ADGRL4: variants seen among roughly 807,000 people sequenced by gnomAD.
ADGRL4 encodes the protein adhesion G protein-coupled receptor L4, also known as EGF, latrophilin and seven transmembrane domain containing 1.
A neutral mutation model predicts 74.8 loss-of-function variants in ADGRL4; 90 were observed. The observed-to-expected ratio is 1.20, with a 90% CI of 1.02 to 1.43. ADGRL4 has a LOEUF of 1.43. Among genes scored for constraint, ADGRL4 ranks in the 40% most tolerant of loss-of-function variants. The pLI is 0.00. For synonymous variants in ADGRL4, 311 were observed against 279.2 expected (o/e 1.11, Z -1.14); for missense variants, 881 against 814.3 (o/e 1.08, Z -1.00).
chr1:78,941,823 G>A (rs1458420918), intron 3 of ADGRL4, among the ~76,000 whole-genome samples: 2 of 152,026 alleles, frequency 1.3e-5, no homozygotes, highest in South Asian at 2.1e-4. Flanking sequence ...AAAGTCTCCG[G>A]GATTGCTAAT....
At chr1:78,980,853 T>C (rs886927736) in intron 2 of ADGRL4, among the ~76,000 whole-genome samples, 1 of 151,930 alleles carries the variant, frequency 6.6e-6, no homozygotes, top group South Asian at 2.1e-4. Context: ...TTCACACCTT[T>C]CATCCTGAAA....
At position 78,933,957 on chromosome 1, in the gene ADGRL4, C is replaced by T. The variant is rs372185192; in HGVS notation, c.877+2338G>A. 1.8e-4 allele frequency among the ~76,000 whole-genome samples: 27 copies of T among 152,178 alleles called. No individual in the cohort carries two copies. The East Asian group carries it at 4.1e-3, about 23-fold the overall frequency. ...GACACAAACAAATGGAAAAATTGTC[C>T]GTGTTCACAGATAGGAAGAATCAAT... is the stretch of plus-strand genomic sequence containing the variant. On this transcript the variant is annotated intron_variant, in intron 7 of 14. Coordinates refer to ENST00000370742, the MANE Select transcript of ADGRL4 (RefSeq NM_022159.4).
chr1:78,996,333 TAA>T (rs996471127), intron 2 of ADGRL4, among the ~76,000 whole-genome samples: 2 of 131,278 alleles, frequency 1.5e-5, no homozygotes, highest in African/African-American at 5.8e-5. Flanking sequence ...TGCCTGATGT[TAA>T]GTCAGCTAAT....
chr1:78,931,687 T>C (rs1432269498), intron 7 of ADGRL4, among the ~76,000 whole-genome samples: 3 of 150,908 alleles, frequency 2.0e-5, no homozygotes, highest in Non-Finnish European at 2.9e-5. Context: ...AGGAGACCCA[T>C]ATCATGTGCA....
chr1:78,904,049 G>A (rs1648576638), intron 12 of ADGRL4, among the ~76,000 whole-genome samples: 1 of 151,324 alleles, frequency 6.6e-6, no homozygotes, highest in African/African-American at 2.4e-5. Flanking sequence ...AATAATACAT[G>A]GAACATAATA....
At chr1:78,928,729 T>C (rs1407836618) in intron 7 of ADGRL4, among the ~76,000 whole-genome samples, 3 of 151,580 alleles carry the variant, frequency 2.0e-5, no homozygotes, top group Non-Finnish European at 4.4e-5. Context: ...TACCTATATA[T>C]ATTTGTTTAA....
At position 79,006,697 on chromosome 1, in the gene ADGRL4, A is replaced by G. The variant is rs1166168645; in HGVS notation, c.-43T>C. 1 of 1,456,950 alleles carries G rather than the reference A, an allele frequency of 6.9e-7. No individual in the cohort carries two copies. The highest frequency in any genetic ancestry group is 9.0e-7 in the Non-Finnish European group (1 of 1,106,408). The allele number at this position is 1,456,950 out of a possible 1,614,324, so 90.3% of individuals were successfully genotyped here. On this transcript the variant is annotated 5_prime_UTR_variant, in exon 1 of 15. Coordinates refer to ENST00000370742, the MANE Select transcript of ADGRL4 (RefSeq NM_022159.4). ...GTGGCGGTGGCGGAGAGCGCGGCGGAGTGAGTGCGGCTGTGGACCCGGGAC... is the reference window on the plus strand; with the variant it reads ...GTGGCGGTGGCGGAGAGCGCGGCGGGGTGAGTGCGGCTGTGGACCCGGGAC...
At chr1:78,905,091 C>T (rs1007257981) in intron 12 of ADGRL4, among the ~76,000 whole-genome samples, 3 of 151,926 alleles carry the variant, frequency 2.0e-5, no homozygotes, top group Non-Finnish European at 4.4e-5. Context: ...TTATTTTTGG[C>T]CAATATGTTC....
intron 12 of ADGRL4, among the ~76,000 whole-genome samples, chr1:78,914,984 C>A (rs1648841009): frequency 6.6e-6 from 1 of 151,890 alleles, no homozygotes; most frequent in African/African-American, 2.4e-5. Flanking sequence ...CACAGTATTT[C>A]ATTTCCATCT....
chr1:78,947,365 A>G (rs763602474), intron 2 of ADGRL4, among the ~76,000 whole-genome samples: 1 of 152,204 alleles, frequency 6.6e-6, no homozygotes, highest in Non-Finnish European at 1.5e-5. Context: ...GACACAGAAG[A>G]GAAGGCTTTG....
chr1:78,974,711 G>C (rs958741698), intron 2 of ADGRL4, among the ~76,000 whole-genome samples: 1 of 152,110 alleles, frequency 6.6e-6, no homozygotes, highest in Non-Finnish European at 1.5e-5. Context: ...GGCTGCAAGT[G>C]TTCCTTAGCT....
intron 3 of ADGRL4, among the ~76,000 whole-genome samples, chr1:78,940,780 T>C (rs1013786559): frequency 6.6e-6 from 1 of 152,322 alleles, no homozygotes; most frequent in East Asian, 1.9e-4. Flanking sequence ...TAAAATGTCA[T>C]CTAGCTAGTT....
chr1:78,917,794 C>T (rs367566665), intron 11 of ADGRL4, 36 bp downstream of exon 11: 37 of 1,595,314 alleles, frequency 2.3e-5, no homozygotes, highest in Non-Finnish European at 2.5e-5. Flanking sequence ...CATTCAAAAT[C>T]GTATTTCAAA....
intron 8 of ADGRL4, among the ~76,000 whole-genome samples, chr1:78,922,272 G>A (rs1649016468): frequency 1.3e-5 from 2 of 152,016 alleles, no homozygotes; most frequent in Non-Finnish European, 2.9e-5. Flanking sequence ...CCTAGATTAT[G>A]TCTAAGCAGG....
chr1:78,995,927 A>AG (rs1650702929), intron 2 of ADGRL4, among the ~76,000 whole-genome samples: 1 of 152,188 alleles, frequency 6.6e-6, no homozygotes, highest in Non-Finnish European at 1.5e-5. Context: ...ATAGGATACC[A>AG]GGGGGATTTC....
chr1:78,956,693 A>G (rs1486319477), intron 2 of ADGRL4, among the ~76,000 whole-genome samples: 1 of 152,216 alleles, frequency 6.6e-6, no homozygotes, highest in Non-Finnish European at 1.5e-5. Context: ...TGAATTACCT[A>G]TCAATATCAT....
chr1:78,969,997 G>C (rs1309464215), intron 2 of ADGRL4, among the ~76,000 whole-genome samples: 1 of 152,070 alleles, frequency 6.6e-6, no homozygotes, highest in Non-Finnish European at 1.5e-5. Flanking sequence ...CCTTTTTTGG[G>C]AAAGTAAAAC....
chr1:78,928,902 T>G (rs11578886), intron 7 of ADGRL4, among the ~76,000 whole-genome samples: 13,677 of 151,488 alleles, frequency 0.09, 1,014 homozygotes, highest in East Asian at 0.33. Context: ...TTTCCTTATG[T>G]TAAATTCCCA....
intron 2 of ADGRL4, among the ~76,000 whole-genome samples, chr1:78,966,260 G>T (rs553215155): frequency 1.3e-5 from 2 of 152,104 alleles, no homozygotes; most frequent in Admixed American, 1.3e-4. Context: ...ATCTGTGATC[G>T]GGGAAGCACA....
Sources: gnomAD v4.1 joint callset for allele counts (sites outside exome capture counted in the v4.1 genomes callset) on GRCh38, gnomAD v4.1.1 for gene constraint, MANE v1.5 for transcripts, NCBI Gene and HGNC (gene_info 2026-07-23, HGNC 2026-07-21) for gene names.